The following PDE1A variants were observed in gnomAD, a reference collection of about 807,000 sequenced individuals.
The protein encoded by PDE1A is phosphodiesterase 1A.
PDE1A carries 35 observed loss-of-function variants against 61.7 expected under a neutral mutation model. That is an observed-to-expected ratio of 0.57 (90% confidence interval 0.43 to 0.75). The LOEUF (loss-of-function observed/expected upper bound fraction) is 0.75, where lower values mean the gene tolerates loss of function less well. PDE1A is among the 30% of genes least tolerant of loss of function. The pLI is 0.00. For synonymous variants in PDE1A, 232 were observed against 213.2 expected, an observed-to-expected ratio of 1.09 and a Z score of -0.77; for missense variants, 597 against 630.6, an observed-to-expected ratio of 0.95 and a Z score of 0.57.
chr2:182,701,961 G>A, the PDE1A span, among the ~76,000 whole-genome samples: 1 of 152,238 alleles, frequency 6.6e-6, no homozygotes, highest in Non-Finnish European at 1.5e-5. Flanking sequence ...ATTTAAGGAA[G>A]ACTCAGCTAA....
At chr2:182,327,516 C>T (rs576540653) in intron 1 of PDE1A, among the ~76,000 whole-genome samples, 3 of 152,252 alleles carry the variant, frequency 2.0e-5, no homozygotes, top group African/African-American at 4.8e-5. Context: ...GAAAAATCAA[C>T]AGAAGTCATT....
At chr2:182,141,227 A>G (rs1014191840) in exon 15 of PDE1A, 3 of 152,172 alleles carry the variant, frequency 2.0e-5, no homozygotes, top group Admixed American at 6.5e-5. Context: ...AACAATAGTA[A>G]TTAGACTCCC....
At chr2:182,260,968 G>C (rs1190702453) in intron 2 of PDE1A, among the ~76,000 whole-genome samples, 1 of 152,100 alleles carries the variant, frequency 6.6e-6, no homozygotes, top group Non-Finnish European at 1.5e-5. Context: ...TGTGATTTAA[G>C]TTTTCTCATA....
chr2:182,669,854 G>C, the PDE1A span, among the ~76,000 whole-genome samples: 1 of 152,178 alleles, frequency 6.6e-6, no homozygotes, highest in African/African-American at 2.4e-5. Flanking sequence ...TCTGAGCTAA[G>C]GAATCCGGGA....
chr2:182,441,652 A>C (rs537462381), intron 2 of PDE1A, among the ~76,000 whole-genome samples: 1 of 152,222 alleles, frequency 6.6e-6, no homozygotes, highest in South Asian at 2.1e-4. Context: ...GAAAGTGATC[A>C]AGATTCCTTA....
intron 2 of PDE1A, among the ~76,000 whole-genome samples, chr2:182,485,134 GA>G (rs1331968387): frequency 2.0e-5 from 3 of 152,200 alleles, no homozygotes; most frequent in South Asian, 4.1e-4. Flanking sequence ...ATCAGTAACA[GA>G]TTGGATAAAG....
intron 1 of PDE1A, among the ~76,000 whole-genome samples, chr2:182,370,689 C>T (rs1700082639): frequency 6.6e-6 from 1 of 152,098 alleles, no homozygotes. Flanking sequence ...GAGTGAGTGA[C>T]AAACTGGGAG....
chr2:182,483,101 T>C (rs1193235501), intron 2 of PDE1A, among the ~76,000 whole-genome samples: 2 of 151,948 alleles, frequency 1.3e-5, no homozygotes, highest in East Asian at 1.9e-4. Flanking sequence ...GGATCATTCA[T>C]AATGGTCAGA....
intron 2 of PDE1A, among the ~76,000 whole-genome samples, chr2:182,479,206 A>C (rs1687555694): frequency 6.6e-6 from 1 of 151,916 alleles, no homozygotes; most frequent in Non-Finnish European, 1.5e-5. Flanking sequence ...AGACAAACTC[A>C]AATCAGGAAA....
chr2:182,239,831 G>A (rs1340661390), intron 3 of PDE1A, among the ~76,000 whole-genome samples: 1 of 152,186 alleles, frequency 6.6e-6, no homozygotes, highest in African/African-American at 2.4e-5. Flanking sequence ...TTTTTAAACA[G>A]TTGTTCACAA....
chr2:182,476,058 A>G (rs1687338421), intron 2 of PDE1A, among the ~76,000 whole-genome samples: 1 of 151,992 alleles, frequency 6.6e-6, no homozygotes, highest in African/African-American at 2.4e-5. Flanking sequence ...CATGAGCACA[A>G]AAAGAAATAC....
chr2:182,626,849 A>ATATATATACG, the PDE1A span, among the ~76,000 whole-genome samples: 3 of 33,750 alleles, frequency 8.9e-5, 1 homozygote, highest in Non-Finnish European at 1.2e-4. Flanking sequence ...ATATATATAC[A>ATATATATACG]TATATATATA....
At chr2:182,449,081 CACACAA>C (rs1320897337) in intron 2 of PDE1A, among the ~76,000 whole-genome samples, 12 of 141,848 alleles carry the variant, frequency 8.5e-5, no homozygotes, top group Non-Finnish European at 1.4e-4. Context: ...CACACACACA[CACACAA>C]ACAAAACCCA....
intron 1 of PDE1A, among the ~76,000 whole-genome samples, chr2:182,312,965 A>C (rs1407341558): frequency 2.0e-5 from 3 of 152,122 alleles, no homozygotes; most frequent in Non-Finnish European, 4.4e-5. Flanking sequence ...TGACTTCTTT[A>C]ATTTCTTTCT....
At chr2:182,312,804 T>C (rs894342812) in intron 1 of PDE1A, among the ~76,000 whole-genome samples, 2 of 149,782 alleles carry the variant, frequency 1.3e-5, no homozygotes, top group African/African-American at 4.9e-5. Context: ...TTCATATGGA[T>C]TTTAGAATAA....
chr2:182,275,344 A>G lies in PDE1A; in HGVS notation c.54-10930T>C, dbSNP rs758333479. Among the ~76,000 whole-genome samples, 8 of 152,236 alleles carry G rather than the reference A, an allele frequency of 5.3e-5. No individual in the cohort carries two copies. In the South Asian group the frequency reaches 1.7e-3, roughly 32 times the overall value. Reference sequence around the variant, plus strand: ...TCCTCCTCACCTATCCTGACTTTATATGCCACTGGCCAGATCCAAGCACAA... The same window carrying G: ...TCCTCCTCACCTATCCTGACTTTATGTGCCACTGGCCAGATCCAAGCACAA... On this transcript the variant is annotated intron_variant, in intron 1 of 13. Transcript: ENST00000351439.
chr2:182,276,194 C>T (rs766702877), intron 1 of PDE1A, among the ~76,000 whole-genome samples: 3 of 151,920 alleles, frequency 2.0e-5, no homozygotes, highest in Non-Finnish European at 4.4e-5. Flanking sequence ...AAAGACATGG[C>T]TCTCATGAGT....
the PDE1A span, among the ~76,000 whole-genome samples, chr2:182,604,718 T>G: frequency 6.6e-6 from 1 of 152,182 alleles, no homozygotes; most frequent in African/African-American, 2.4e-5. Context: ...ATGCATGCCA[T>G]ATATATAAAA....
chr2:182,317,227 A>T (rs1256670789), intron 1 of PDE1A, among the ~76,000 whole-genome samples: 1 of 151,796 alleles, frequency 6.6e-6, no homozygotes, highest in Non-Finnish European at 1.5e-5. Flanking sequence ...AAGAAAGCAG[A>T]TGCTCTTGGA....
Sources: allele counts gnomAD v4.1 joint callset (sites outside exome capture counted in the v4.1 genomes callset), GRCh38; gene constraint gnomAD v4.1.1; transcripts MANE v1.5; gene names NCBI Gene and HGNC (gene_info 2026-07-23, HGNC 2026-07-21).